Variants in LRRTM4 observed in about 807,000 individuals in gnomAD.
LRRTM4 encodes leucine rich repeat transmembrane neuronal 4.
A neutral mutation model predicts 47.6 loss-of-function variants in LRRTM4; 25 were observed. That is an observed-to-expected ratio of 0.53 (90% CI 0.38 to 0.73). LRRTM4 has a LOEUF of 0.73. Ranked by LOEUF, LRRTM4 falls within the 30% of genes least tolerant of loss-of-function variation. The pLI, the probability that LRRTM4 is intolerant of heterozygous loss-of-function variation, is 0.00. For synonymous variants in LRRTM4, 311 were observed against 269.5 expected, an observed-to-expected ratio of 1.15 and a Z score of -1.51; for missense variants, 638 against 713.4, an observed-to-expected ratio of 0.89 and a Z score of 1.20.
chr2:77,139,221 C>G (rs974578286), intron 3 of LRRTM4, among the ~76,000 whole-genome samples: 1 of 151,976 alleles, frequency 6.6e-6, no homozygotes, highest in African/African-American at 2.4e-5. Flanking sequence ...TGCAAAAATC[C>G]TCAATAAAAT....
rs562956882 is a variant in LRRTM4 at position 77,354,400 on chromosome 2, A to G, written c.1551+163918T>C. Among the ~76,000 whole-genome samples the G allele has an allele frequency of 4.7e-4, 70 of 149,822 alleles. 1 individual carries two copies. The South Asian group carries it at 0.015, about 31-fold the overall frequency. On this transcript the variant is annotated intron_variant, in intron 3 of 3. Transcript: ENST00000409884. Reference sequence around the variant, plus strand: ...GATCTTCTTAAAATGTAGATATCTTAGACGTACTTCCTAGAAATTGTATTT... The same window carrying G: ...GATCTTCTTAAAATGTAGATATCTTGGACGTACTTCCTAGAAATTGTATTT...
In LRRTM4 at chr2:76,807,437, C is replaced by CACAT. The variant is rs1558667459; in HGVS notation, c.1552-58522_1552-58521insATGT. On this transcript the variant is annotated intron_variant, in intron 3 of 3. Coordinates refer to ENST00000409884, the MANE Select transcript of LRRTM4 (RefSeq NM_001134745.3). The stretch of plus-strand genomic sequence containing the variant: ...ATATATATATATACATATATATATA[C>CACAT]GTATATACATATATATATATACATA... Among the ~76,000 whole-genome samples, 26 of 34,302 alleles carry CACAT rather than the reference C, an allele frequency of 7.6e-4. No individual in the cohort carries two copies. In the Admixed American group the frequency reaches 0.011, roughly 14 times the overall value. 22.5% of individuals were successfully genotyped at this position (34,302 alleles called of 152,430 possible).
chr2:77,360,537 A>ATACG lies in LRRTM4; in HGVS notation c.1551+157780_1551+157781insCGTA, dbSNP rs1558706320. Among the ~76,000 whole-genome samples the ATACG allele has an allele frequency of 2.6e-3, 310 of 119,806 alleles. 3 individuals are homozygous for ATACG. The highest frequency in any genetic ancestry group is 8.8e-3 in the Middle Eastern group (2 of 228). The allele number at this position is 119,806 out of a possible 152,430, so 78.6% of individuals were successfully genotyped here. A position where few individuals can be genotyped will look rare whatever the true frequency, so the allele number is the denominator to read the frequency against. ...GATACGATACGATACGATACGATAC[A>ATACG]ATACAATCATTCATACATACATACA... On this transcript the variant is annotated intron_variant, in intron 3 of 3. Coordinates refer to ENST00000409884, the MANE Select transcript of LRRTM4 (RefSeq NM_001134745.3).
At chr2:76,837,576 C>A (rs6708891) in intron 3 of LRRTM4, among the ~76,000 whole-genome samples, 6,344 of 152,084 alleles carry the variant, frequency 0.042, 304 homozygotes, top group African/African-American at 0.099. Flanking sequence ...TCCAGCCATC[C>A]CATTACTGGG....
intron 3 of LRRTM4, among the ~76,000 whole-genome samples, chr2:76,931,757 A>AT (rs144963642): frequency 0.013 from 2,047 of 152,232 alleles, 47 homozygotes; most frequent in African/African-American, 0.047. Context: ...TTTTCTGTCC[A>AT]GGTTTACCAG....
intron 3 of LRRTM4, among the ~76,000 whole-genome samples, chr2:77,436,010 G>A (rs983383400): frequency 2.0e-5 from 3 of 152,064 alleles, no homozygotes; most frequent in Admixed American, 6.6e-5. Flanking sequence ...TCATTCACAT[G>A]AGCATCCATT....
intron 3 of LRRTM4, among the ~76,000 whole-genome samples, chr2:77,435,977 C>T (rs530205983): frequency 5.9e-5 from 9 of 152,164 alleles, no homozygotes; most frequent in East Asian, 1.9e-4. Context: ...TTCATTTCTT[C>T]GTTCAGTTTT....
chr2:77,505,744 G>C (rs1231811534), intron 3 of LRRTM4, among the ~76,000 whole-genome samples: 1 of 151,396 alleles, frequency 6.6e-6, no homozygotes, highest in Non-Finnish European at 1.5e-5. Flanking sequence ...ACATATACAT[G>C]CATTATCATA....
chr2:77,245,720 G>A (rs899914531), intron 3 of LRRTM4, among the ~76,000 whole-genome samples: 3 of 151,752 alleles, frequency 2.0e-5, no homozygotes, highest in African/African-American at 7.3e-5. Flanking sequence ...TGAAAATAGA[G>A]GTTATTTTTA....
chr2:77,299,258 T>C (rs199619386), intron 3 of LRRTM4, among the ~76,000 whole-genome samples: 983 of 67,260 alleles, frequency 0.015, 9 homozygotes, highest in Middle Eastern at 0.045. Context: ...TATATATATA[T>C]ACACACACAC....
At chr2:77,074,943 CTA>C (rs1680283666) in intron 3 of LRRTM4, among the ~76,000 whole-genome samples, 2 of 151,916 alleles carry the variant, frequency 1.3e-5, no homozygotes, top group East Asian at 1.9e-4. Context: ...GATATTTTTT[CTA>C]TGTTTTTGTT....
chr2:77,073,779 A>C (rs1193648124), intron 3 of LRRTM4, among the ~76,000 whole-genome samples: 1 of 151,934 alleles, frequency 6.6e-6, no homozygotes, highest in Non-Finnish European at 1.5e-5. Context: ...CTATATATAC[A>C]AATATATATT....
chr2:77,014,989 G>A (rs1341886247), intron 3 of LRRTM4, among the ~76,000 whole-genome samples: 1 of 152,008 alleles, frequency 6.6e-6, no homozygotes, highest in Non-Finnish European at 1.5e-5. Flanking sequence ...TACTTTTAAT[G>A]TTTTTGTGAA....
At chr2:76,912,236 T>G (rs994850682) in intron 3 of LRRTM4, among the ~76,000 whole-genome samples, 2 of 152,140 alleles carry the variant, frequency 1.3e-5, no homozygotes, top group African/African-American at 4.8e-5. Flanking sequence ...GCTTTTTAAA[T>G]TAGATGTATG....
intron 3 of LRRTM4, among the ~76,000 whole-genome samples, chr2:77,226,137 A>G (rs2103960486): frequency 6.6e-6 from 1 of 151,770 alleles, no homozygotes; most frequent in Non-Finnish European, 1.5e-5. Context: ...AATTTAGAAA[A>G]CCCTAAAAAT....
chr2:77,134,776 G>A (rs1671888563), intron 3 of LRRTM4, among the ~76,000 whole-genome samples: 1 of 151,636 alleles, frequency 6.6e-6, no homozygotes, highest in Admixed American at 6.6e-5. Context: ...TCTTTCATGT[G>A]CAAAAAAAGG....
intron 3 of LRRTM4, among the ~76,000 whole-genome samples, chr2:77,052,315 T>C (rs1323561640): frequency 2.6e-5 from 4 of 151,760 alleles, no homozygotes; most frequent in Non-Finnish European, 5.9e-5. Flanking sequence ...ATTACAGGCA[T>C]CTGCCACCAC....
intron 3 of LRRTM4, among the ~76,000 whole-genome samples, chr2:77,385,599 C>A (rs1026151126): frequency 3.3e-5 from 5 of 151,894 alleles, no homozygotes; most frequent in Non-Finnish European, 5.9e-5. Flanking sequence ...TTAAAATGAT[C>A]AAAAAATCAC....
chr2:76,767,539 G>C (rs944556909), intron 3 of LRRTM4, among the ~76,000 whole-genome samples: 1 of 151,356 alleles, frequency 6.6e-6, no homozygotes, highest in Non-Finnish European at 1.5e-5. Context: ...TAGATACTCT[G>C]CCTTCAGAAA....
Sources: gnomAD v4.1 joint callset for allele counts (sites outside exome capture counted in the v4.1 genomes callset) on GRCh38, gnomAD v4.1.1 for gene constraint, MANE v1.5 for transcripts, NCBI Gene and HGNC (gene_info 2026-07-23, HGNC 2026-07-21) for gene names.